The following TEX11 variants were observed in gnomAD, a reference collection of about 807,000 sequenced individuals.
TEX11 encodes testis-expressed protein 11.
A neutral mutation model predicts 84.4 loss-of-function variants in TEX11; 7 were observed. That is an observed-to-expected ratio of 0.08 (90% CI 0.05 to 0.16). TEX11 has a LOEUF of 0.16. Ranked by LOEUF, TEX11 falls within the 10% of genes least tolerant of loss-of-function variation. The pLI, the probability that TEX11 is intolerant of heterozygous loss-of-function variation, is 1.00. For synonymous variants in TEX11, 264 were observed against 222.8 expected (o/e 1.18, Z -1.64); for missense variants, 551 against 660.5 (o/e 0.83, Z 1.82).
At chrX:70,822,922 C>T (rs780996050) in intron 8 of TEX11, among the ~76,000 whole-genome samples, 1 of 110,488 alleles carries the variant, frequency 9.1e-6, no homozygotes, top group South Asian at 3.9e-4. Context: ...CCAAGCCATT[C>T]ATGAGAGATC....
chrX:70,839,528 C>A lies in TEX11; in HGVS notation c.526-5935G>T, dbSNP rs9779533. On this transcript the variant is annotated intron_variant, in intron 7 of 29. Coordinates refer to ENST00000374333, the MANE Select transcript of TEX11 (RefSeq NM_031276.3). ...CAAAGAACAAAGGTAGATAAAACCA[C>A]AAAGATGGGAAAAAAACAGAGCAGA... is the stretch of plus-strand genomic sequence containing the variant. Among the ~76,000 whole-genome samples the A allele has an allele frequency of 7.2e-3, 806 of 111,365 alleles. 7 individuals are homozygous for A. Among genetic ancestry groups the A allele is most frequent in the African/African-American group, 0.025 (773 of 30,690 alleles).
chrX:70,555,887 A>G (rs941517967), intron 25 of TEX11, among the ~76,000 whole-genome samples: 2 of 112,104 alleles, frequency 1.8e-5, no homozygotes, highest in African/African-American at 6.5e-5. Context: ...AGAAATTTGT[A>G]CATTTCACCT....
intron 13 of TEX11, among the ~76,000 whole-genome samples, chrX:70,714,155 G>A (rs1452262222): frequency 1.8e-5 from 2 of 111,703 alleles, no homozygotes; most frequent in East Asian, 5.6e-4. Flanking sequence ...TGGTCTGAGA[G>A]ACAGTTTGTT....
At chrX:70,755,527 A>G (rs751412492) in intron 9 of TEX11, among the ~76,000 whole-genome samples, 2 of 112,135 alleles carry the variant, frequency 1.8e-5, no homozygotes, top group Admixed American at 1.9e-4. Flanking sequence ...TACAAGATCT[A>G]GAAAATAGCC....
intron 13 of TEX11, among the ~76,000 whole-genome samples, chrX:70,694,246 C>T (rs1043299317): frequency 9.0e-6 from 1 of 111,060 alleles, no homozygotes; most frequent in African/African-American, 3.3e-5. Context: ...GGTTTCACCA[C>T]GTTGGCCAGG....
intron 25 of TEX11, among the ~76,000 whole-genome samples, chrX:70,565,597 G>C (rs1328843591): frequency 9.0e-6 from 1 of 111,018 alleles, no homozygotes; most frequent in Non-Finnish European, 1.9e-5. Flanking sequence ...GTAAGGAAGG[G>C]ATCCAGTTTC....
intron 28 of TEX11, among the ~76,000 whole-genome samples, chrX:70,547,466 T>C (rs967994761): frequency 9.0e-6 from 1 of 110,989 alleles, no homozygotes; most frequent in Non-Finnish European, 1.9e-5. Context: ...GAAACTACCA[T>C]CAGAGTGAAC....
chrX:70,583,924 A>T (rs2088814415), intron 25 of TEX11, among the ~76,000 whole-genome samples: 1 of 112,092 alleles, frequency 8.9e-6, no homozygotes, highest in Non-Finnish European at 1.9e-5. Context: ...CCAAAAATTG[A>T]ATCACAAATA....
At chrX:70,679,565 A>T (rs1196728611) in intron 14 of TEX11, among the ~76,000 whole-genome samples, 1 of 100,342 alleles carries the variant, frequency 1.0e-5, no homozygotes, top group East Asian at 3.3e-4. Flanking sequence ...CCGTCTGAGA[A>T]GTGAGGAGAC....
chrX:70,898,009 C>T (rs1724416446), intron 2 of TEX11, among the ~76,000 whole-genome samples: 1 of 111,696 alleles, frequency 9.0e-6, no homozygotes, highest in South Asian at 3.7e-4. Flanking sequence ...AAACTGCACC[C>T]TTTCTGCTTT....
intron 24 of TEX11, among the ~76,000 whole-genome samples, chrX:70,605,087 T>A (rs907350829): frequency 1.8e-5 from 2 of 111,491 alleles, no homozygotes; most frequent in Non-Finnish European, 3.8e-5. Flanking sequence ...GAAACAAAAG[T>A]GGAGTCCAAA....
chrX:70,538,105 C>G (rs925923256), intron 28 of TEX11, among the ~76,000 whole-genome samples: 2 of 111,360 alleles, frequency 1.8e-5, no homozygotes, highest in Non-Finnish European at 3.8e-5. Flanking sequence ...AGGGAAGATT[C>G]TGCTTTGTTC....
chrX:70,747,021 G>A (rs2090772496), intron 9 of TEX11, among the ~76,000 whole-genome samples: 1 of 112,048 alleles, frequency 8.9e-6, no homozygotes, highest in Admixed American at 9.5e-5. Context: ...CCAACTGAAA[G>A]GTAAGCTAAG....
intron 13 of TEX11, among the ~76,000 whole-genome samples, chrX:70,698,964 C>T (rs1294048693): frequency 8.9e-6 from 1 of 111,741 alleles, no homozygotes; most frequent in African/African-American, 3.2e-5. Flanking sequence ...AGTCCTCTCC[C>T]CTTGAATCTA....
chrX:70,763,317 A>G (rs1358486664), intron 9 of TEX11, among the ~76,000 whole-genome samples: 1 of 111,635 alleles, frequency 9.0e-6, no homozygotes, highest in Non-Finnish European at 1.9e-5. Flanking sequence ...CTTGGAGGCC[A>G]TTATTCTAAG....
At chrX:70,683,162 T>G (rs945188509) in intron 13 of TEX11, among the ~76,000 whole-genome samples, 1 of 111,605 alleles carries the variant, frequency 9.0e-6, no homozygotes, top group African/African-American at 3.3e-5. Context: ...CATGAGAAAT[T>G]TACTAGTTCC....
intron 9 of TEX11, among the ~76,000 whole-genome samples, chrX:70,805,984 C>T (rs185653980): frequency 2.2e-3 from 249 of 111,776 alleles, no homozygotes; most frequent in African/African-American, 7.8e-3. Context: ...TATTAAAATG[C>T]CAAAATTCAT....
chrX:70,890,869 T>A (rs1408148973), intron 2 of TEX11, among the ~76,000 whole-genome samples: 1 of 112,089 alleles, frequency 8.9e-6, no homozygotes, highest in African/African-American at 3.2e-5. Flanking sequence ...CCCAGCACAG[T>A]GTTTGAGCTC....
intron 20 of TEX11, among the ~76,000 whole-genome samples, chrX:70,616,067 A>G (rs1258939146): frequency 1.8e-5 from 2 of 111,672 alleles, no homozygotes; most frequent in African/African-American, 6.5e-5. Context: ...GATGTTAATG[A>G]GCAAGAAAAA....
Sources: gnomAD v4.1 joint callset for allele counts (sites outside exome capture counted in the v4.1 genomes callset) on GRCh38, gnomAD v4.1.1 for gene constraint, MANE v1.5 for transcripts, NCBI Gene and HGNC (gene_info 2026-07-23, HGNC 2026-07-21) for gene names.